The following MYO5B variants were observed in gnomAD, a reference collection of about 807,000 sequenced individuals.
MYO5B encodes the protein unconventional myosin-Vb.
In MYO5B, 143 loss-of-function variants were observed where a neutral mutation model predicts 229.3. That is an observed-to-expected ratio of 0.62 (90% CI 0.54 to 0.72). The LOEUF (loss-of-function observed/expected upper bound fraction) is 0.72, where lower values mean the gene tolerates loss of function less well. Among genes scored for constraint, MYO5B ranks in the 30% least tolerant of loss-of-function variants. The probability of loss-of-function intolerance (pLI) is 0.00; values close to 1 mark genes in which losing one functional copy is unlikely to be tolerated. For synonymous variants in MYO5B, 918 were observed against 885.2 expected (o/e 1.04, Z -0.66); for missense variants, 2,321 against 2,331.0 (o/e 1.00, Z 0.09).
At chr18:49,843,944 G>A (rs778786642) in intron 33 of MYO5B, among the ~76,000 whole-genome samples, 3 of 152,206 alleles carry the variant, frequency 2.0e-5, no homozygotes, top group South Asian at 2.1e-4. Context: ...TTACCCAGCC[G>A]TGCTTGCCCA....
chr18:50,004,214 G>A (rs1230276352), intron 4 of MYO5B, among the ~76,000 whole-genome samples: 1 of 152,186 alleles, frequency 6.6e-6, no homozygotes, highest in African/African-American at 2.4e-5. Context: ...TAGGTCACGT[G>A]ACAAGTGTCA....
intron 1 of MYO5B, among the ~76,000 whole-genome samples, chr18:50,099,771 T>A (rs1286540505): frequency 6.6e-6 from 1 of 152,200 alleles, no homozygotes; most frequent in African/African-American, 2.4e-5. Flanking sequence ...ATACACGGTA[T>A]CTTGTACTTA....
At chr18:49,859,257 C>T (rs1333709773) in intron 29 of MYO5B, among the ~76,000 whole-genome samples, 1 of 152,206 alleles carries the variant, frequency 6.6e-6, no homozygotes, top group Non-Finnish European at 1.5e-5. Context: ...AGGTTTCTTC[C>T]AGATCTTTAA....
At chr18:49,829,140 G>C (rs2023883608) in intron 39 of MYO5B, among the ~76,000 whole-genome samples, 1 of 150,014 alleles carries the variant, frequency 6.7e-6, no homozygotes, top group African/African-American at 2.5e-5. Context: ...GGAGTGCAGT[G>C]GTGTGATCTC....
chr18:49,978,204 C>A (rs181892807), intron 9 of MYO5B, among the ~76,000 whole-genome samples: 3 of 152,292 alleles, frequency 2.0e-5, no homozygotes, highest in African/African-American at 7.2e-5. Flanking sequence ...ATCCATGCCT[C>A]CCTAAGAGGC....
At chr18:50,090,049 T>A (rs2031414591) in intron 1 of MYO5B, among the ~76,000 whole-genome samples, 1 of 152,160 alleles carries the variant, frequency 6.6e-6, no homozygotes, top group Admixed American at 6.5e-5. Context: ...CCAACTGGGG[T>A]TCCCTCTCTC....
intron 1 of MYO5B, among the ~76,000 whole-genome samples, chr18:50,106,967 G>A (rs1360760417): frequency 1.3e-5 from 2 of 152,172 alleles, no homozygotes; most frequent in African/African-American, 4.8e-5. Context: ...AAGGGAGGGT[G>A]CAAAGGGAGG....
At chr18:49,893,437 G>A (rs2024739230) in intron 22 of MYO5B, among the ~76,000 whole-genome samples, 1 of 152,164 alleles carries the variant, frequency 6.6e-6, no homozygotes, top group Non-Finnish European at 1.5e-5. Flanking sequence ...AACCACAAGT[G>A]TGGTATTCCA....
intron 14 of MYO5B, among the ~76,000 whole-genome samples, chr18:49,939,120 A>G (rs1336751550): frequency 6.8e-6 from 1 of 147,794 alleles, no homozygotes; most frequent in Non-Finnish European, 1.5e-5. Context: ...ACTAGGGGTT[A>G]TATACATTAA....
intron 1 of MYO5B, among the ~76,000 whole-genome samples, chr18:50,077,502 AACACACACACAC>A (rs60086500): frequency 0.01 from 1,353 of 133,598 alleles, 26 homozygotes; most frequent in African/African-American, 0.033. Flanking sequence ...CACACACACA[AACACACACACAC>A]ACACACACAC....
intron 1 of MYO5B, among the ~76,000 whole-genome samples, chr18:50,179,032 A>G (rs925578013): frequency 6.6e-6 from 1 of 152,204 alleles, no homozygotes; most frequent in Admixed American, 6.5e-5. Context: ...AGGAGATAAA[A>G]TCCAAGGAAA....
Position 49,847,155 on chromosome 18 carries a change from G to A in MYO5B, c.4450C>T (p.Leu1484=). Residue 1484 remains leucine (L), a synonymous_variant, in exon 33 of 40, where the codon CTG becomes TTG. Transcript: ENST00000285039. ...KEDEALLIRN[L]VTDLKPQMLS... ...CACAGAGGGTCCTTACCTGTCACCA[G>A]GTTCCGGATGAGGAGGGCCTCGTCC... The A allele has an allele frequency of 6.2e-7, 1 of 1,614,178 alleles. No individual in the cohort carries two copies. Among genetic ancestry groups the A allele is most frequent in the Middle Eastern group, 1.7e-4 (1 of 6,054 alleles).
At chr18:49,906,741 C>T in intron 18 of MYO5B, 111 bp from the exon 19 acceptor site, 1 of 935,804 alleles carries the variant, frequency 1.1e-6, no homozygotes, top group East Asian at 2.5e-5. Flanking sequence ...ACTTCATGCA[C>T]CCCTCTCTGT....
intron 5 of MYO5B, among the ~76,000 whole-genome samples, chr18:49,996,362 A>G (rs1179941571): frequency 6.6e-6 from 1 of 152,250 alleles, no homozygotes; most frequent in African/African-American, 2.4e-5. Context: ...CAAGTAGGCA[A>G]GAATGTTCCA....
chr18:49,839,482 A>C lies in MYO5B; in HGVS notation c.4702-188T>G, dbSNP rs2024030964. On this transcript the variant is annotated intron_variant, in intron 35 of 39. Transcript: ENST00000285039. ...CCTCATTGATGACCCTTGAACTTGA[A>C]GGATGTAGAAAAACTCAACATGAGA... 8 of 654,596 alleles carry C rather than the reference A, an allele frequency of 1.2e-5. No homozygotes were observed. The East Asian group carries it at 2.2e-4, about 18-fold the overall frequency. The allele number at this position is 654,596 out of a possible 1,614,324, so 40.5% of individuals were successfully genotyped here. A position where few individuals can be genotyped will look rare whatever the true frequency, so the allele number is the denominator to read the frequency against.
At chr18:50,141,290 C>A (rs1568122135) in intron 1 of MYO5B, among the ~76,000 whole-genome samples, 1 of 152,240 alleles carries the variant, frequency 6.6e-6, no homozygotes, top group Non-Finnish European at 1.5e-5. Flanking sequence ...AAGTTACCAT[C>A]CTTTTCCTAG....
chr18:50,100,784 T>C (rs1318343408), intron 1 of MYO5B, among the ~76,000 whole-genome samples: 1 of 152,166 alleles, frequency 6.6e-6, no homozygotes, highest in South Asian at 2.1e-4. Flanking sequence ...CTTCTTGTCT[T>C]TGCTTTGCAA....
At chr18:49,957,482 C>T (rs1287464200) in intron 12 of MYO5B, among the ~76,000 whole-genome samples, 2 of 151,934 alleles carry the variant, frequency 1.3e-5, no homozygotes, top group Non-Finnish European at 2.9e-5. Flanking sequence ...CTCATCTCTA[C>T]AAAAAACTTA....
chr18:50,069,779 T>G (rs1296363434), intron 1 of MYO5B, among the ~76,000 whole-genome samples: 2 of 151,984 alleles, frequency 1.3e-5, no homozygotes, highest in Non-Finnish European at 2.9e-5. Context: ...AACCCAGAAA[T>G]AGACCTTGAC....
Sources: gnomAD v4.1 joint callset for allele counts (sites outside exome capture counted in the v4.1 genomes callset) on GRCh38, gnomAD v4.1.1 for gene constraint, MANE v1.5 for transcripts, NCBI Gene and HGNC (gene_info 2026-07-23, HGNC 2026-07-21) for gene names.